TPTE: variants seen among roughly 807,000 people sequenced by gnomAD.
TPTE encodes the protein putative tyrosine-protein phosphatase TPTE.
Under a neutral mutation model 84.1 loss-of-function variants are expected in TPTE, and 59 were observed. The observed-to-expected ratio is 0.70, with a 90% CI of 0.57 to 0.87. The LOEUF (loss-of-function observed/expected upper bound fraction) is 0.87. TPTE is among the 40% of genes least tolerant of loss of function. The pLI is 0.00. For synonymous variants in TPTE, 130 were observed against 223.5 expected, an observed-to-expected ratio of 0.58 and a Z score of 3.73; for missense variants, 382 against 659.6, an observed-to-expected ratio of 0.58 and a Z score of 4.61.
Position 10,569,692 on chromosome 21 carries a change from A to C in TPTE, c.676A>C (p.Asn226His), listed in dbSNP as rs760125022. The C allele has an allele frequency of 6.2e-7, 1 of 1,613,718 alleles. No individual in the cohort carries two copies. The highest frequency in any genetic ancestry group is 8.5e-7 in the Non-Finnish European group (1 of 1,179,874). The change falls in exon 13 of 24, where the codon AAC (asparagine) becomes CAC (histidine). Residue 226 changes from asparagine to histidine, a missense_variant. By Grantham distance (68) the Asn-to-His change is moderately conservative. This residue lies in a region of TPTE where 85 missense variants were observed against 230.9 expected (regional missense o/e 0.37). Coordinates refer to ENST00000618007, the MANE Select transcript of TPTE (RefSeq NM_199261.4). ...EKLIRRRVSE[N>H]KRRYTRDGFD... ...GATTTTAAACTGTCAGGTTTCAGAA[A>C]ACAAAAGGCGATACACAAGGGATGG...
chr21:10,575,848 C>T (rs1450025357), intron 14 of TPTE, among the ~76,000 whole-genome samples: 1 of 152,154 alleles, frequency 6.6e-6, no homozygotes, highest in Admixed American at 6.5e-5. Flanking sequence ...CTCAACATCA[C>T]TGATCATTAA....
intron 14 of TPTE, among the ~76,000 whole-genome samples, chr21:10,571,831 A>G (rs1422640330): frequency 2.2e-4 from 33 of 152,348 alleles, no homozygotes; most frequent in African/African-American, 7.9e-4. Context: ...ACACGGCGAA[A>G]TCCTGTCTCT....
At chr21:10,540,709 A>T in intron 4 of TPTE, 1 of 519,516 alleles carries the variant, frequency 1.9e-6, no homozygotes. Flanking sequence ...CTTGGCCGCA[A>T]CTCTTGGGCA....
intron 3 of TPTE, among the ~76,000 whole-genome samples, chr21:10,532,041 C>T (rs1348950896): frequency 1.3e-5 from 2 of 152,306 alleles, no homozygotes; most frequent in African/African-American, 4.8e-5. Flanking sequence ...TTTTTATTAG[C>T]ATGATTAGTT....
At chr21:10,525,344 G>A (rs2074059490) in intron 2 of TPTE, among the ~76,000 whole-genome samples, 1 of 152,308 alleles carries the variant, frequency 6.6e-6, no homozygotes, top group African/African-American at 2.4e-5. Context: ...GGCCTGTAGT[G>A]TATATTTAGA....
chr21:10,522,184 C>G (rs2073992264), intron 1 of TPTE, among the ~76,000 whole-genome samples: 1 of 152,298 alleles, frequency 6.6e-6, no homozygotes, highest in African/African-American at 2.4e-5. Context: ...TGTCTGCTTT[C>G]TAGCCGCTCC....
chr21:10,567,143 G>C (rs1252434401), intron 10 of TPTE, among the ~76,000 whole-genome samples: 1 of 152,214 alleles, frequency 6.6e-6, no homozygotes, highest in Non-Finnish European at 1.5e-5. Flanking sequence ...CATAGACCTA[G>C]AGAGTAGATG....
intron 8 of TPTE, among the ~76,000 whole-genome samples, chr21:10,553,602 C>T (rs1384320527): frequency 1.3e-5 from 2 of 152,306 alleles, no homozygotes. Context: ...CAAAATAAAG[C>T]AGGTTTTCAT....
chr21:10,535,218 C>G (rs987318908), intron 3 of TPTE, among the ~76,000 whole-genome samples: 1 of 152,310 alleles, frequency 6.6e-6, no homozygotes, highest in Admixed American at 6.5e-5. Context: ...ATTCCCCAGC[C>G]CACAGCCAAT....
chr21:10,575,399 C>T (rs1228545561), intron 14 of TPTE, among the ~76,000 whole-genome samples: 8 of 152,402 alleles, frequency 5.2e-5, no homozygotes, highest in African/African-American at 1.9e-4. Flanking sequence ...GGGCAGCTGC[C>T]ACCTCTGCAG....
intron 7 of TPTE, among the ~76,000 whole-genome samples, chr21:10,545,344 A>G (rs1253661191): frequency 6.6e-6 from 1 of 152,312 alleles, no homozygotes; most frequent in African/African-American, 2.4e-5. Context: ...GTTTTCTTCT[A>G]GGAAAAAATG....
chr21:10,550,520 C>T (rs967863522), intron 7 of TPTE, among the ~76,000 whole-genome samples: 1 of 152,310 alleles, frequency 6.6e-6, no homozygotes, highest in African/African-American at 2.4e-5. Flanking sequence ...GGGTTCAATT[C>T]AGCAAGAAAT....
intron 4 of TPTE, among the ~76,000 whole-genome samples, chr21:10,539,299 C>T (rs889229033): frequency 6.6e-6 from 1 of 152,310 alleles, no homozygotes; most frequent in Non-Finnish European, 1.5e-5. Flanking sequence ...CTCCAGAGCT[C>T]TGTCAACATA....
chr21:10,591,140 A>T (rs1377742928), intron 18 of TPTE, among the ~76,000 whole-genome samples: 1 of 152,312 alleles, frequency 6.6e-6, no homozygotes, highest in African/African-American at 2.4e-5. Flanking sequence ...GAATGTAAAT[A>T]TCTTTGCTTA....
At chr21:10,591,399 TG>T (rs1346646963) in intron 18 of TPTE, among the ~76,000 whole-genome samples, 11 of 152,388 alleles carry the variant, frequency 7.2e-5, no homozygotes, top group African/African-American at 2.6e-4. Flanking sequence ...ATTTTGAAAA[TG>T]GGTGTTCTAG....
chr21:10,597,813 A>G (rs1477206037), intron 20 of TPTE, among the ~76,000 whole-genome samples: 1 of 151,448 alleles, frequency 6.6e-6, no homozygotes, highest in Admixed American at 6.5e-5. Context: ...CTCTCATCTT[A>G]TAAAATCTGC....
At chr21:10,533,359 T>G (rs240446) in intron 3 of TPTE, among the ~76,000 whole-genome samples, 7,502 of 148,524 alleles carry the variant, frequency 0.051, no homozygotes, top group South Asian at 0.081. Flanking sequence ...CTCTTATCCT[T>G]AAGAATATTT....
chr21:10,525,889 A>G (rs867690610), intron 2 of TPTE, among the ~76,000 whole-genome samples: 2,536 of 151,224 alleles, frequency 0.017, no homozygotes, highest in African/African-American at 0.06. Flanking sequence ...TTAGTTTCCC[A>G]AGGAACTTGC....
chr21:10,526,409 A>G (rs1254874162), intron 2 of TPTE, among the ~76,000 whole-genome samples: 1 of 152,308 alleles, frequency 6.6e-6, no homozygotes, highest in Non-Finnish European at 1.5e-5. Flanking sequence ...TCTTAAAGAC[A>G]TAAAAAGATA....
Sources: allele counts gnomAD v4.1 joint callset (sites outside exome capture counted in the v4.1 genomes callset), GRCh38; gene constraint gnomAD v4.1.1; regional missense constraint gnomAD v4.1.1; transcripts MANE v1.5; gene names NCBI Gene and HGNC (gene_info 2026-07-23, HGNC 2026-07-21).